Variants in LVRN observed in about 807,000 individuals in gnomAD.
The protein encoded by LVRN is aminopeptidase Q.
A neutral mutation model predicts 111.4 loss-of-function variants in LVRN; 99 were observed. The ratio of observed to expected loss-of-function variants is 0.89; its 90% CI spans 0.76 to 1.05. The LOEUF (loss-of-function observed/expected upper bound fraction) is 1.05, where lower values mean the gene tolerates loss of function less well. Ranked by LOEUF, LVRN falls within the 50% of genes least tolerant of loss-of-function variation. The pLI, the probability that LVRN is intolerant of heterozygous loss-of-function variation, is 0.00. For missense variants in LVRN, 1,414 were observed against 1,206.8 expected (o/e 1.17, Z -2.54); for synonymous variants, 488 against 449.5 (o/e 1.09, Z -1.08).
At chr5:115,967,631 T>TA (rs1753230347) in intron 1 of LVRN, among the ~76,000 whole-genome samples, 2 of 152,198 alleles carry the variant, frequency 1.3e-5, no homozygotes, top group South Asian at 4.1e-4. Context: ...ATATAGCTAC[T>TA]AAAAATCTTA....
At chr5:116,025,792 T>A (rs1431219723) in intron 19 of LVRN, among the ~76,000 whole-genome samples, 186 bp from the exon 20 acceptor site, 2 of 152,186 alleles carry the variant, frequency 1.3e-5, no homozygotes, top group Non-Finnish European at 2.9e-5. Context: ...GGGGTAGGTG[T>A]GGTGTTCATC....
chr5:115,983,145 T>A (rs571511930), intron 1 of LVRN, 142 bp from the exon 2 acceptor site: 1 of 843,340 alleles, frequency 1.2e-6, no homozygotes, highest in African/African-American at 1.7e-5. Context: ...TGTGTTGGTG[T>A]GATGGGATGG....
At position 116,010,734 on chromosome 5, in the gene LVRN, C is replaced by T. The variant is rs1748471579; in HGVS notation, c.2094-7C>T. ...TTTTTGAGTGTGTGTGTTTTTAAAT[C>T]AAACAGAAACAATTATATTGAGATT... On this transcript the variant is annotated splice_region_variant and splice_polypyrimidine_tract_variant and intron_variant, in intron 13 of 19. Transcript: ENST00000357872. 1 of 1,580,188 alleles carries T rather than the reference C, an allele frequency of 6.3e-7. No homozygotes were observed. The highest frequency in any genetic ancestry group is 1.2e-5 in the South Asian group (1 of 85,960).
chr5:115,992,580 A>G (rs549120097), intron 5 of LVRN, among the ~76,000 whole-genome samples: 6 of 152,314 alleles, frequency 3.9e-5, no homozygotes, highest in African/African-American at 1.4e-4. Context: ...ACACAGGAGT[A>G]TTTTATTTTC....
chr5:115,963,062 C>G lies in LVRN; in HGVS notation c.445C>G (p.Leu149Val), dbSNP rs747900646. Residue 149 changes from leucine (L) to valine (V), a missense_variant, in exon 1 of 20, where the codon CTC becomes GTC. Transcript: ENST00000357872. Reference sequence around the variant, plus strand: ...CACCTCTCGACTGCTGCTGCATAGCCTCTTCCAGGACTGCGAGCGCGCCGA... The same window carrying G: ...CACCTCTCGACTGCTGCTGCATAGCGTCTTCCAGGACTGCGAGCGCGCCGA... The part of the protein sequence containing the change: ...VATSRLLLHS[L>V]FQDCERAEVR... 1.2e-6 allele frequency: 2 copies of G among 1,613,544 alleles called. No homozygotes were observed. Among genetic ancestry groups the G allele is most frequent in the East Asian group, 4.5e-5 (2 of 44,846 alleles).
At position 115,984,611 on chromosome 5, in the gene LVRN, G is replaced by T. The variant is rs760740981; in HGVS notation, c.880G>T (p.Val294Phe). The change falls in exon 3 of 20, where the codon GTT (valine) becomes TTT (phenylalanine). Residue 294 changes from valine to phenylalanine, a missense_variant. Physicochemically the swap from Val to Phe is conservative, Grantham distance 50 (BLOSUM62 -1). Transcript: ENST00000357872. ...KEDVNGSKWT[V>F]TTFSTTPHMP... ...AGATGTGAATGGAAGCAAATGGACTGTTACAACCTTTTCCACTACGCCCCA... is the reference window on the plus strand; with the variant it reads ...AGATGTGAATGGAAGCAAATGGACTTTTACAACCTTTTCCACTACGCCCCA... 6.2e-7 allele frequency: 1 copy of T among 1,613,504 alleles called. No homozygotes were observed. Among genetic ancestry groups the T allele is most frequent in the Non-Finnish European group, 8.5e-7 (1 of 1,179,746 alleles).
rs569296889 is a variant in LVRN, at chr5:115,978,167, A to C, written c.696-5120A>C. Among the ~76,000 whole-genome samples, 9 of 152,328 alleles carry C rather than the reference A, an allele frequency of 5.9e-5. No individual in the cohort carries two copies. The East Asian group carries it at 1.7e-3, about 29-fold the overall frequency. ...TGACACACAAGAGAGAAATTTGAGC[A>C]GTATCAGGAAAAGAATTTGTAAGTC... On this transcript the variant is annotated intron_variant, in intron 1 of 19. Transcript: ENST00000357872.
intron 1 of LVRN, among the ~76,000 whole-genome samples, chr5:115,978,834 A>G (rs1457007286): frequency 2.0e-5 from 3 of 151,888 alleles, no homozygotes; most frequent in Non-Finnish European, 2.9e-5. Context: ...TGACAGGGAG[A>G]GGTGACACAT....
At position 116,002,919 on chromosome 5, in the gene LVRN, A is replaced by G. The variant is rs1250582099; in HGVS notation, c.1897+8A>G. On this transcript the variant is annotated splice_region_variant and intron_variant, in intron 11 of 19. Transcript: ENST00000357872. The stretch of plus-strand genomic sequence containing the variant: ...GGCTAGATCAAAGCAGCAGTAAGTA[A>G]CAAATTTTAAAAACATCTTTATATA... 6.3e-7 allele frequency: 1 copy of G among 1,577,950 alleles called. No homozygotes were observed. The highest frequency in any genetic ancestry group is 1.7e-5 in the Admixed American group (1 of 58,506).
intron 1 of LVRN, among the ~76,000 whole-genome samples, chr5:115,971,649 G>A (rs1271765230): frequency 6.6e-6 from 1 of 151,974 alleles, no homozygotes; most frequent in Admixed American, 6.6e-5. Context: ...TATATTTTTT[G>A]ATTGTCTAGT....
chr5:116,009,553 A>G (rs1748444713), intron 13 of LVRN, among the ~76,000 whole-genome samples: 1 of 152,244 alleles, frequency 6.6e-6, no homozygotes. Context: ...TGCCATTACG[A>G]ACATTTGCAA....
At chr5:115,994,642 TTTAA>T (rs142628099) in intron 6 of LVRN, among the ~76,000 whole-genome samples, 71,155 of 151,656 alleles carry the variant, frequency 0.47, 16,928 homozygotes, top group South Asian at 0.56. Flanking sequence ...CTACTTCATA[TTTAA>T]TTAATATTAT....
chr5:116,011,737 G>C (rs1323792075), intron 14 of LVRN, among the ~76,000 whole-genome samples: 1 of 152,148 alleles, frequency 6.6e-6, no homozygotes, highest in Non-Finnish European at 1.5e-5. Flanking sequence ...GATTGAGGAG[G>C]CTCGTTGATA....
chr5:116,007,863 T>C (rs1166508933), intron 13 of LVRN, among the ~76,000 whole-genome samples: 2 of 152,252 alleles, frequency 1.3e-5, no homozygotes, highest in Non-Finnish European at 2.9e-5. Context: ...TTGTTATATC[T>C]GTTACAGTAA....
chr5:116,002,848 G>C lies in LVRN; in HGVS notation c.1834G>C (p.Val612Leu), dbSNP rs201104207. ...TLLTSNDTWI[V>L]PILWIKNGTT... ...TCTTCCAATAAGTGACACATGGATT[G>C]TCCCTATTCTTTGGATAAAAAATGG... The change falls in exon 11 of 20, where the codon GTC becomes CTC. Residue 612 changes from valine (V) to leucine (L), a missense_variant. Val to Leu is a conservative substitution (Grantham distance 32). Transcript: ENST00000357872. 6 of 1,608,146 alleles carry C rather than the reference G, an allele frequency of 3.7e-6. No homozygotes were observed. Among genetic ancestry groups the C allele is most frequent in the Non-Finnish European group, 5.1e-6 (6 of 1,175,494 alleles).
chr5:115,993,273 T>A (rs569064021), intron 5 of LVRN, among the ~76,000 whole-genome samples: 1 of 152,162 alleles, frequency 6.6e-6, no homozygotes, highest in African/African-American at 2.4e-5. Flanking sequence ...TATGATTACT[T>A]GAGTGATTTG....
rs746226364 is a variant in LVRN, at chr5:116,015,623, T to G, written c.2619-5T>G. 8 of 1,587,836 alleles carry G rather than the reference T, an allele frequency of 5.0e-6. No homozygotes were observed. The South Asian group carries it at 9.3e-5, about 19-fold the overall frequency. The stretch of plus-strand genomic sequence containing the variant: ...AATGTATTTTTTGAAAATGCACTTT[T>G]GCAGATATATGGAGTATGCCATCAG... On this transcript the variant is annotated splice_polypyrimidine_tract_variant and splice_region_variant and intron_variant, in intron 17 of 19. Transcript: ENST00000357872.
rs745591649 is a variant in LVRN, at chr5:115,999,748, C to G, written c.1375-14C>G. ...ACCTCAGGAGTTAATGTGCCTCCAT[C>G]TTTTCCTTTATAGAATGAGATCTTT... On this transcript the variant is annotated splice_polypyrimidine_tract_variant and intron_variant, in intron 6 of 19. Coordinates refer to ENST00000357872, the MANE Select transcript of LVRN (RefSeq NM_173800.5). The G allele has an allele frequency of 1.2e-6, 2 of 1,612,440 alleles. No homozygotes were observed. The highest frequency in any genetic ancestry group is 1.7e-5 in the Admixed American group (1 of 59,598).
chr5:115,982,852 G>A (rs1416318581), intron 1 of LVRN, among the ~76,000 whole-genome samples: 2 of 150,036 alleles, frequency 1.3e-5, no homozygotes, highest in African/African-American at 5.0e-5. Flanking sequence ...AGAAGAGGAG[G>A]CATGTGAGAA....
Sources: allele counts gnomAD v4.1 joint callset (sites outside exome capture counted in the v4.1 genomes callset), GRCh38; gene constraint gnomAD v4.1.1; transcripts MANE v1.5; gene names NCBI Gene and HGNC (gene_info 2026-07-23, HGNC 2026-07-21).